DAAM1: variants seen among roughly 807,000 people sequenced by gnomAD.
The protein encoded by DAAM1 is dishevelled associated activator of morphogenesis 1.
DAAM1 carries 52 observed loss-of-function variants against 130.0 expected under a neutral mutation model. The observed-to-expected ratio is 0.40, with a 90% CI of 0.32 to 0.50. DAAM1 has a LOEUF of 0.50. Among genes scored for constraint, DAAM1 ranks in the 20% least tolerant of loss-of-function variants. The pLI is 0.61. For synonymous variants in DAAM1, 452 were observed against 444.5 expected (o/e 1.02, Z -0.21); for missense variants, 1,134 against 1,303.8 (o/e 0.87, Z 2.01).
chr14:59,340,152 G>T lies in DAAM1; in HGVS notation c.2047G>T (p.Ala683Ser). The change falls in exon 16 of 25, where the codon GCT becomes TCT. Residue 683 changes from alanine (A) to serine (S), a missense_variant. Coordinates refer to ENST00000360909, the MANE Select transcript of DAAM1 (RefSeq NM_001270520.2). ...KELSVIDGRR[A>S]QNCNILLSRL... is the part of the protein sequence containing the mutation. ...GCTTTCGGTGATTGATGGTCGGAGA[G>T]CTCAGAATTGCAACATCCTTCTATC... 6.2e-7 allele frequency: 1 copy of T among 1,613,406 alleles called. No homozygotes were observed. The highest frequency in any genetic ancestry group is 8.5e-7 in the Non-Finnish European group (1 of 1,179,558).
At chr14:59,244,377 C>T (rs950768667) in intron 1 of DAAM1, among the ~76,000 whole-genome samples, 3 of 152,028 alleles carry the variant, frequency 2.0e-5, no homozygotes, top group Non-Finnish European at 2.9e-5. Flanking sequence ...AACAGACCAC[C>T]CCCTCTACAA....
intron 1 of DAAM1, among the ~76,000 whole-genome samples, chr14:59,205,748 A>G (rs531711995): frequency 6.6e-6 from 1 of 152,352 alleles, no homozygotes; most frequent in African/African-American, 2.4e-5. Context: ...GAATAATTTT[A>G]TATGGTTGTC....
chr14:59,276,800 A>T (rs1392830579), intron 2 of DAAM1, among the ~76,000 whole-genome samples: 4 of 152,098 alleles, frequency 2.6e-5, no homozygotes, highest in African/African-American at 9.7e-5. Context: ...CAAAAAACAA[A>T]ACCCCCAAAC....
intron 1 of DAAM1, among the ~76,000 whole-genome samples, chr14:59,255,201 A>G (rs1881823327): frequency 6.6e-6 from 1 of 152,118 alleles, no homozygotes; most frequent in Non-Finnish European, 1.5e-5. Flanking sequence ...TCCAGGAGCC[A>G]CTCCAAGAAG....
intron 12 of DAAM1, among the ~76,000 whole-genome samples, chr14:59,329,948 A>T (rs148317984): frequency 1.9e-4 from 29 of 152,296 alleles, no homozygotes; most frequent in East Asian, 1.7e-3. Context: ...TAGCCTTCTG[A>T]GGGGAGATGG....
intron 1 of DAAM1, among the ~76,000 whole-genome samples, chr14:59,236,728 G>C (rs757427127): frequency 2.0e-5 from 3 of 152,166 alleles, no homozygotes; most frequent in East Asian, 1.9e-4. Context: ...GGTGGGTAAC[G>C]CTCATCTGTC....
intron 17 of DAAM1, among the ~76,000 whole-genome samples, chr14:59,350,337 A>C (rs1886243091): frequency 6.6e-6 from 1 of 151,916 alleles, no homozygotes; most frequent in Non-Finnish European, 1.5e-5. Flanking sequence ...AGCTCATTCA[A>C]GTGTCAGCCT....
In DAAM1 at chr14:59,368,747, C is replaced by T. The variant is rs1267154796; in HGVS notation, c.3095C>T (p.Ser1032Leu). The T allele has an allele frequency of 6.2e-7, 1 of 1,613,978 alleles. No homozygotes were observed. Among genetic ancestry groups the T allele is most frequent in the Admixed American group, 1.7e-5 (1 of 60,006 alleles). Residue 1032 changes from serine (S) to leucine (L), a missense_variant, in exon 25 of 25, where the codon TCA (serine) becomes TTA (leucine). Physicochemically the swap from Ser to Leu is moderately radical, Grantham distance 145. This residue lies in a region of DAAM1 where 644 missense variants were observed against 695.9 expected (regional missense o/e 0.93). Coordinates refer to ENST00000360909, the MANE Select transcript of DAAM1 (RefSeq NM_001270520.2). ...GATGACCTTGTTTCAGCTTTACGCTCAGGAGAAGTGTTTGACAAAGACCTT... is the reference window on the plus strand; with the variant it reads ...GATGACCTTGTTTCAGCTTTACGCTTAGGAGAAGTGTTTGACAAAGACCTT... ...EFDDLVSALR[S>L]GEVFDKDLSK...
rs1302029722 is a variant in DAAM1, at chr14:59,188,735, AG to A, written c.-70del. 6.5e-6 allele frequency: 1 copy of A among 152,960 alleles called. No individual in the cohort carries two copies. The highest frequency in any genetic ancestry group is 6.5e-5 in the Admixed American group (1 of 15,292). The allele number at this position is 152,960 out of a possible 1,614,324, so 9.5% of individuals were successfully genotyped here. Reference sequence around the variant, plus strand: ...CCGGATCCCATTGTACCCAGAGTGCAGAGCCGCCTTTCCAGCATGCAGGGGC... The same window carrying A: ...CCGGATCCCATTGTACCCAGAGTGCAAGCCGCCTTTCCAGCATGCAGGGGC... On this transcript the variant is annotated 5_prime_UTR_variant, in exon 1 of 25. Coordinates refer to ENST00000360909, the MANE Select transcript of DAAM1 (RefSeq NM_001270520.2).
At chr14:59,272,580 AC>A (rs1213351931) in intron 2 of DAAM1, among the ~76,000 whole-genome samples, 9 of 77,258 alleles carry the variant, frequency 1.2e-4, no homozygotes, top group Non-Finnish European at 2.1e-4. Flanking sequence ...GTCTCAAAAA[AC>A]AAACAAACAA....
At chr14:59,214,726 T>C (rs921820155) in intron 1 of DAAM1, among the ~76,000 whole-genome samples, 1 of 152,260 alleles carries the variant, frequency 6.6e-6, no homozygotes, top group African/African-American at 2.4e-5. Context: ...TTTATAGATA[T>C]ACCACATTTT....
At chr14:59,323,370 T>C (rs1224186092) in intron 6 of DAAM1, 145 bp downstream of exon 6, 2 of 905,624 alleles carry the variant, frequency 2.2e-6, no homozygotes, top group African/African-American at 3.4e-5. Flanking sequence ...ATTCCCTTCT[T>C]CTTAGGTTTA....
chr14:59,356,126 C>T (rs1241712948), intron 20 of DAAM1, among the ~76,000 whole-genome samples: 8 of 152,204 alleles, frequency 5.3e-5, no homozygotes, highest in African/African-American at 1.7e-4. Flanking sequence ...GAGGTTCACA[C>T]TGACTTCAAA....
At chr14:59,352,738 T>A in intron 18 of DAAM1, 106 bp downstream of exon 18, 1 of 947,126 alleles carries the variant, frequency 1.1e-6, no homozygotes, top group Non-Finnish European at 1.6e-6. Flanking sequence ...TGGCTTAACT[T>A]GAAAGCTTTT....
At chr14:59,265,901 C>T (rs995507779) in intron 2 of DAAM1, 17 of 152,190 alleles carry the variant, frequency 1.1e-4, no homozygotes, top group African/African-American at 4.1e-4. Context: ...ATTTCATTGG[C>T]CAGTGCAGAT....
At chr14:59,367,234 G>T (rs748511935) in intron 23 of DAAM1, among the ~76,000 whole-genome samples, 195 bp from the exon 24 acceptor site, 9 of 151,904 alleles carry the variant, frequency 5.9e-5, no homozygotes, top group Non-Finnish European at 1.3e-4. Flanking sequence ...GTTGCAGTGA[G>T]CTGGGATCAT....
chr14:59,329,758 A>G (rs1371218342), intron 12 of DAAM1, among the ~76,000 whole-genome samples: 1 of 152,212 alleles, frequency 6.6e-6, no homozygotes, highest in Non-Finnish European at 1.5e-5. Flanking sequence ...CTGTTTTATT[A>G]TAGCAGGATT....
Position 59,291,264 on chromosome 14 carries a change from T to A in DAAM1, c.231T>A (p.Leu77=), listed in dbSNP as rs1209799539. The stretch of plus-strand genomic sequence containing the variant: ...AACACAGAGAAGCCATGTTTGCACT[T>A]CCAGCTGAGAAAAAATGGCAAATAT... ...TDKHREAMFA[L]PAEKKWQIYC... Residue 77 remains leucine, a synonymous_variant, in exon 3 of 25, where the codon CTT becomes CTA. Transcript: ENST00000360909. 6.2e-7 allele frequency: 1 copy of A among 1,611,790 alleles called. No homozygotes were observed.
chr14:59,316,248 C>T (rs1175760759), intron 4 of DAAM1, among the ~76,000 whole-genome samples: 3 of 152,054 alleles, frequency 2.0e-5, no homozygotes, highest in Non-Finnish European at 4.4e-5. Context: ...CTACCTCCTT[C>T]CTGCCTTCTC....
Sources: gnomAD v4.1 joint callset for allele counts (sites outside exome capture counted in the v4.1 genomes callset) on GRCh38, gnomAD v4.1.1 for gene constraint, gnomAD v4.1.1 regional missense constraint, MANE v1.5 for transcripts, NCBI Gene and HGNC (gene_info 2026-07-23, HGNC 2026-07-21) for gene names.